Variants in SDHAF3 observed in about 807,000 individuals in gnomAD.
SDHAF3 encodes the protein succinate dehydrogenase complex assembly factor 3.
A neutral mutation model predicts 11.5 loss-of-function variants in SDHAF3; 18 were observed. The ratio of observed to expected loss-of-function variants is 1.56; its 90% CI spans 1.08 to 2.32. SDHAF3 has a LOEUF of 2.32. Among genes scored for constraint, SDHAF3 ranks in the 30% most tolerant of loss-of-function variants. The pLI, the probability that SDHAF3 is intolerant of heterozygous loss-of-function variation, is 0.00. For synonymous variants in SDHAF3, 72 were observed against 59.3 expected, an observed-to-expected ratio of 1.21 and a Z score of -0.99; for missense variants, 200 against 154.4, an observed-to-expected ratio of 1.30 and a Z score of -1.57.
chr7:97,164,762 A>G lies in SDHAF3; in HGVS notation c.175-16250A>G, dbSNP rs1364447854. On this transcript the variant is annotated intron_variant, in intron 1 of 1. Transcript: ENST00000432641. ...TTCATCACACACACAGTGAATAACT[A>G]GTGGTGGAGATTTGAAGTGAAACTG... Among the ~76,000 whole-genome samples, 19 of 152,170 alleles carry G rather than the reference A, an allele frequency of 1.2e-4. No individual in the cohort carries two copies. The East Asian group carries it at 3.5e-3, about 28-fold the overall frequency.
intron 1 of SDHAF3, among the ~76,000 whole-genome samples, chr7:97,126,958 G>A (rs924703050): frequency 6.6e-6 from 1 of 152,124 alleles, no homozygotes; most frequent in African/African-American, 2.4e-5. Context: ...GAATCTCCTG[G>A]TCTTCGGATT....
intron 1 of SDHAF3, among the ~76,000 whole-genome samples, chr7:97,143,288 A>G (rs1162364228): frequency 1.3e-5 from 2 of 152,158 alleles, no homozygotes; most frequent in Non-Finnish European, 2.9e-5. Flanking sequence ...CTAATACCCT[A>G]GTCTGATACA....
At chr7:97,152,005 A>G (rs1789232096) in intron 1 of SDHAF3, among the ~76,000 whole-genome samples, 1 of 152,170 alleles carries the variant, frequency 6.6e-6, no homozygotes, top group African/African-American at 2.4e-5. Context: ...CATCATTTAC[A>G]TGTAGGGTTT....
At chr7:97,124,247 G>A (rs1445321076) in intron 1 of SDHAF3, among the ~76,000 whole-genome samples, 1 of 152,112 alleles carries the variant, frequency 6.6e-6, no homozygotes, top group African/African-American at 2.4e-5. Context: ...TATTAAATAG[G>A]GAATCCTTTC....
intron 1 of SDHAF3, among the ~76,000 whole-genome samples, chr7:97,134,819 C>A (rs1476157036): frequency 1.3e-5 from 2 of 152,146 alleles, no homozygotes; most frequent in Admixed American, 1.3e-4. Flanking sequence ...GCTCATAACA[C>A]CCCTGACTGT....
At chr7:97,161,725 G>T (rs1235425307) in intron 1 of SDHAF3, among the ~76,000 whole-genome samples, 1 of 152,056 alleles carries the variant, frequency 6.6e-6, no homozygotes, top group Non-Finnish European at 1.5e-5. Context: ...TGAGAATGAT[G>T]GTTTCCAGCT....
At chr7:97,152,780 G>T (rs1197051393) in intron 1 of SDHAF3, among the ~76,000 whole-genome samples, 1 of 152,210 alleles carries the variant, frequency 6.6e-6, no homozygotes. Context: ...CTCCTGAGTA[G>T]CTGGGACTAC....
chr7:97,155,538 A>G lies in SDHAF3; in HGVS notation c.175-25474A>G, dbSNP rs75284454. 6.8e-3 allele frequency among the ~76,000 whole-genome samples: 1,034 copies of G among 152,244 alleles called. 7 individuals carry two copies. Among genetic ancestry groups the G allele is most frequent in the Non-Finnish European group, 0.012 (802 of 68,010 alleles). The stretch of plus-strand genomic sequence containing the variant: ...CTCCCACTGAACTTTGTTCATTTCT[A>G]TTTATGGCAATTATTATGCACTTGC... On this transcript the variant is annotated intron_variant, in intron 1 of 1. Transcript: ENST00000432641.
chr7:97,117,963 C>A, intron 1 of SDHAF3, 66 bp downstream of exon 1: 1 of 1,571,224 alleles, frequency 6.4e-7, no homozygotes, highest in Non-Finnish European at 8.7e-7. Flanking sequence ...GTTTCTAGTT[C>A]CAGTCCCCCA....
intron 1 of SDHAF3, among the ~76,000 whole-genome samples, chr7:97,173,072 G>C (rs1031398410): frequency 1.3e-5 from 2 of 152,144 alleles, no homozygotes; most frequent in Admixed American, 1.3e-4. Context: ...TCACAATAGG[G>C]TTCATGCTCC....
At position 97,169,538 on chromosome 7, in the gene SDHAF3, A is replaced by T. The variant is rs1357327715; in HGVS notation, c.175-11474A>T. ...TAATGTAAATAATTTGTTATAAAAC[A>T]TACTAATTTTATTTTCTCAATAAAT... On this transcript the variant is annotated intron_variant, in intron 1 of 1. Coordinates refer to ENST00000432641, the MANE Select transcript of SDHAF3 (RefSeq NM_020186.3). 3.9e-5 allele frequency among the ~76,000 whole-genome samples: 6 copies of T among 152,184 alleles called. No homozygotes were observed. The East Asian group carries it at 1.2e-3, about 29-fold the overall frequency.
chr7:97,143,734 G>A (rs1413568071), intron 1 of SDHAF3, among the ~76,000 whole-genome samples: 3 of 151,412 alleles, frequency 2.0e-5, no homozygotes, highest in East Asian at 3.9e-4. Flanking sequence ...TTGATTGATG[G>A]GCATTTGGGT....
chr7:97,179,474 A>AC (rs1468285043), intron 1 of SDHAF3, among the ~76,000 whole-genome samples: 1 of 134,124 alleles, frequency 7.5e-6, no homozygotes, highest in African/African-American at 2.6e-5. Context: ...AATTATTTCC[A>AC]TTTTTTTTTT....
chr7:97,150,337 G>T (rs932550358), intron 1 of SDHAF3, among the ~76,000 whole-genome samples: 2 of 152,088 alleles, frequency 1.3e-5, no homozygotes, highest in African/African-American at 4.8e-5. Context: ...ACTTTGTCCA[G>T]ATCCATCAGA....
At chr7:97,147,799 A>C (rs1391522145) in intron 1 of SDHAF3, among the ~76,000 whole-genome samples, 1 of 152,218 alleles carries the variant, frequency 6.6e-6, no homozygotes, top group Admixed American at 6.5e-5. Context: ...CATTCCTCTC[A>C]AAGACTCTAA....
chr7:97,121,875 G>C (rs1330647749), intron 1 of SDHAF3, among the ~76,000 whole-genome samples: 1 of 108,450 alleles, frequency 9.2e-6, no homozygotes, highest in African/African-American at 3.8e-5. Flanking sequence ...TTTTGTTTTT[G>C]AGATGGAGTC....
intron 1 of SDHAF3, among the ~76,000 whole-genome samples, chr7:97,144,606 C>T (rs1008242280): frequency 6.6e-6 from 1 of 152,106 alleles, no homozygotes; most frequent in Admixed American, 6.5e-5. Context: ...TTTGCTTTGT[C>T]GAAGATCAGT....
chr7:97,179,485 T>G (rs1301072160), intron 1 of SDHAF3, among the ~76,000 whole-genome samples: 1 of 152,166 alleles, frequency 6.6e-6, no homozygotes, highest in Non-Finnish European at 1.5e-5. Context: ...TTTTTTTTTT[T>G]TTTTTTGCTT....
intron 1 of SDHAF3, among the ~76,000 whole-genome samples, chr7:97,158,267 C>A (rs376966748): frequency 6.6e-6 from 1 of 152,212 alleles, no homozygotes; most frequent in South Asian, 2.1e-4. Flanking sequence ...ACCCATGAAC[C>A]TTTTTTTGTT....
Sources: allele counts gnomAD v4.1 joint callset (sites outside exome capture counted in the v4.1 genomes callset), GRCh38; gene constraint gnomAD v4.1.1; transcripts MANE v1.5; gene names NCBI Gene and HGNC (gene_info 2026-07-23, HGNC 2026-07-21).